BTBD9: variants seen among roughly 807,000 people sequenced by gnomAD.
The protein encoded by BTBD9 is BTB domain containing 9, also known as BTB/POZ domain-containing protein 9.
BTBD9 carries 49 observed loss-of-function variants against 64.3 expected under a neutral mutation model. The ratio of observed to expected loss-of-function variants is 0.76; its 90% CI spans 0.61 to 0.97. BTBD9 has a LOEUF of 0.97. Ranked by LOEUF, BTBD9 falls within the 50% of genes least tolerant of loss-of-function variation. The pLI is 0.00. For missense variants in BTBD9, 598 were observed against 762.1 expected (o/e 0.78, Z 2.53); for synonymous variants, 260 against 274.7 (o/e 0.95, Z 0.53).
At chr6:38,569,410 T>C (rs1191388171) in intron 6 of BTBD9, among the ~76,000 whole-genome samples, 2 of 152,186 alleles carry the variant, frequency 1.3e-5, no homozygotes, top group South Asian at 2.1e-4. Flanking sequence ...ATGATCAACA[T>C]AGAAGGTGCT....
At chr6:38,508,034 T>C (rs971576063) in intron 6 of BTBD9, among the ~76,000 whole-genome samples, 5 of 152,016 alleles carry the variant, frequency 3.3e-5, no homozygotes, top group African/African-American at 1.2e-4. Flanking sequence ...GGGGTTTCAC[T>C]GTGTTAGCCA....
chr6:38,247,212 T>C (rs544066351), intron 9 of BTBD9, among the ~76,000 whole-genome samples: 6 of 152,338 alleles, frequency 3.9e-5, no homozygotes, highest in Admixed American at 2.6e-4. Flanking sequence ...TGTACCATTT[T>C]TCAATCTTGC....
intron 7 of BTBD9, among the ~76,000 whole-genome samples, chr6:38,316,222 T>C (rs949451832): frequency 2.6e-5 from 4 of 152,222 alleles, no homozygotes; most frequent in African/African-American, 9.6e-5. Context: ...GTGTTATGTG[T>C]AGACAACAGA....
chr6:38,438,837 G>A (rs1768880337), intron 6 of BTBD9, among the ~76,000 whole-genome samples: 1 of 152,162 alleles, frequency 6.6e-6, no homozygotes, highest in Non-Finnish European at 1.5e-5. Flanking sequence ...GAAGGAAGAT[G>A]GGTGTTTGGC....
intron 7 of BTBD9, among the ~76,000 whole-genome samples, chr6:38,340,033 C>G (rs1268941570): frequency 6.6e-6 from 1 of 152,034 alleles, no homozygotes. Flanking sequence ...TGTACTGTAT[C>G]ACTGATAACC....
intron 9 of BTBD9, among the ~76,000 whole-genome samples, chr6:38,198,576 T>A (rs1762347244): frequency 1.3e-5 from 2 of 152,150 alleles, no homozygotes; most frequent in Admixed American, 1.3e-4. Flanking sequence ...CTAGTCTTCT[T>A]GAATCTGGAA....
At chr6:38,450,340 C>T (rs1021525631) in intron 6 of BTBD9, among the ~76,000 whole-genome samples, 17 of 152,162 alleles carry the variant, frequency 1.1e-4, no homozygotes, top group African/African-American at 3.9e-4. Context: ...TTCAAGAGAT[C>T]TACTGTACAG....
At chr6:38,205,888 A>AAAAG (rs1328936965) in intron 9 of BTBD9, among the ~76,000 whole-genome samples, 4 of 144,498 alleles carry the variant, frequency 2.8e-5, no homozygotes, top group South Asian at 2.2e-4. Flanking sequence ...TCAAAAAAAA[A>AAAAG]AAAGAAAGAA....
intron 6 of BTBD9, among the ~76,000 whole-genome samples, chr6:38,534,427 C>T (rs773720296): frequency 1.0e-4 from 15 of 149,772 alleles, no homozygotes; most frequent in South Asian, 6.3e-4. Flanking sequence ...CTGCTGAACT[C>T]TACCAAACAT....
intron 4 of BTBD9, among the ~76,000 whole-genome samples, chr6:38,580,976 T>C (rs2127476713): frequency 6.6e-6 from 1 of 152,320 alleles, no homozygotes; most frequent in South Asian, 2.1e-4. Flanking sequence ...GCGGATCACC[T>C]GAGGTCAGGA....
intron 10 of BTBD9, chr6:38,179,385 G>A (rs748321008): frequency 5.5e-5 from 25 of 455,140 alleles, no homozygotes; most frequent in African/African-American, 2.2e-4. Context: ...AAAGGAGAGC[G>A]CCCACAATGA....
At chr6:38,624,500 A>G (rs895736987) in intron 1 of BTBD9, among the ~76,000 whole-genome samples, 1 of 152,184 alleles carries the variant, frequency 6.6e-6, no homozygotes, top group Non-Finnish European at 1.5e-5. Context: ...GGATTGCTTG[A>G]GCCCAAGAGT....
intron 7 of BTBD9, among the ~76,000 whole-genome samples, chr6:38,325,087 T>TTAAG (rs1237317494): frequency 5.9e-5 from 9 of 152,172 alleles, no homozygotes; most frequent in Non-Finnish European, 1.3e-4. Context: ...TTAAGTAACA[T>TTAAG]TAAGACACAT....
chr6:38,208,787 C>G (rs887885061), intron 9 of BTBD9, among the ~76,000 whole-genome samples: 1 of 152,132 alleles, frequency 6.6e-6, no homozygotes, highest in Non-Finnish European at 1.5e-5. Flanking sequence ...TTCCATTCAC[C>G]CTGTTTGTCC....
rs1776110215 is a variant in BTBD9, at chr6:38,577,657, T to C, written c.1097A>G (p.His366Arg). ...DELDWVRVID[H>R]SQYLCRSWQK... ...CCAAGAACGACACAGATATTGTGAA[T>C]GATCTATCACTCTGACCCAATCAAG... Residue 366 changes from histidine to arginine, a missense_variant, in exon 6 of 11, where the codon CAT (histidine) becomes CGT (arginine). His to Arg is a conservative substitution (Grantham distance 29). Transcript: ENST00000481247. 1 of 1,610,828 alleles carries C rather than the reference T, an allele frequency of 6.2e-7. No homozygotes were observed. Among genetic ancestry groups the C allele is most frequent in the African/African-American group, 1.3e-5 (1 of 74,914 alleles).
chr6:38,468,903 C>T (rs1273808713), intron 6 of BTBD9, among the ~76,000 whole-genome samples: 1 of 152,142 alleles, frequency 6.6e-6, no homozygotes, highest in Admixed American at 6.5e-5. Flanking sequence ...AGCCTCACTC[C>T]CCATCCAAAA....
chr6:38,457,489 T>G (rs140857394), intron 6 of BTBD9, among the ~76,000 whole-genome samples: 1 of 152,252 alleles, frequency 6.6e-6, no homozygotes, highest in African/African-American at 2.4e-5. Flanking sequence ...AATTTTTTTT[T>G]TTTTAAAGGC....
chr6:38,293,409 C>T (rs147579637), intron 7 of BTBD9, among the ~76,000 whole-genome samples: 3,815 of 152,226 alleles, frequency 0.025, 159 homozygotes, highest in African/African-American at 0.087. Context: ...TCCTACCTGA[C>T]TTCAAACTAC....
At chr6:38,303,730 A>T (rs1762496202) in intron 7 of BTBD9, among the ~76,000 whole-genome samples, 1 of 151,580 alleles carries the variant, frequency 6.6e-6, no homozygotes, top group South Asian at 2.1e-4. Context: ...TGGGATCAGC[A>T]CTCAGAATTC....
Sources: allele counts gnomAD v4.1 joint callset (sites outside exome capture counted in the v4.1 genomes callset), GRCh38; gene constraint gnomAD v4.1.1; transcripts MANE v1.5; gene names NCBI Gene and HGNC (gene_info 2026-07-23, HGNC 2026-07-21).